CUL3: variants seen among roughly 807,000 people sequenced by gnomAD.
CUL3 encodes cullin-3.
CUL3 carries 19 observed loss-of-function variants against 89.1 expected under a neutral mutation model. The observed-to-expected ratio is 0.21, with a 90% CI of 0.15 to 0.31. CUL3 has a LOEUF of 0.31. Among genes scored for constraint, CUL3 ranks in the 10% least tolerant of loss-of-function variants. The pLI, the probability that CUL3 is intolerant of heterozygous loss-of-function variation, is 1.00. For synonymous variants in CUL3, 351 were observed against 308.4 expected (o/e 1.14, Z -1.45); for missense variants, 469 against 942.3 (o/e 0.50, Z 6.58).
At chr2:224,548,054 G>C (rs1694369847) in intron 2 of CUL3, among the ~76,000 whole-genome samples, 1 of 152,128 alleles carries the variant, frequency 6.6e-6, no homozygotes, top group Non-Finnish European at 1.5e-5. Context: ...TAAATGGTGA[G>C]GAATTATTTG....
chr2:224,485,773 GCCT>G lies in CUL3; in HGVS notation c.1843-3698_1843-3696del, dbSNP rs1429649095. On this transcript the variant is annotated intron_variant, in intron 13 of 15. Coordinates refer to ENST00000264414, the MANE Select transcript of CUL3 (RefSeq NM_003590.5). The surrounding 1 kb of genome is among the most constrained non-coding windows in gnomAD (Gnocchi z 4.1). ...CTCCAGCTCTGCGAAGGGACAGACT[GCCT>G]CCTCAAGTGGGTCCGTGTCCCCCAT... Among the ~76,000 whole-genome samples, 2 of 152,222 alleles carry G rather than the reference GCCT, an allele frequency of 1.3e-5. No homozygotes were observed. The highest frequency in any genetic ancestry group is 1.9e-4 in the East Asian group (1 of 5,190).
At chr2:224,559,473 AT>A (rs1240663581) in intron 1 of CUL3, among the ~76,000 whole-genome samples, 152 of 151,444 alleles carry the variant, frequency 1.0e-3, no homozygotes, top group African/African-American at 1.5e-3. Flanking sequence ...AAAAAAAAAA[AT>A]GTCAGTTTCC....
At chr2:224,490,388 C>T (rs549856936) in intron 13 of CUL3, among the ~76,000 whole-genome samples, 7 of 152,252 alleles carry the variant, frequency 4.6e-5, no homozygotes, top group African/African-American at 1.7e-4. Context: ...AGGTGACTCA[C>T]GTGACCTTAT....
chr2:224,551,207 T>C (rs1210283088), intron 2 of CUL3, among the ~76,000 whole-genome samples: 1 of 143,394 alleles, frequency 7.0e-6, no homozygotes, highest in East Asian at 2.0e-4. Flanking sequence ...GCCCGGCAAT[T>C]TTTTTTTTTT....
intron 9 of CUL3, 49 bp from the exon 10 acceptor site, chr2:224,503,121 A>G (rs1692453821): frequency 9.1e-7 from 1 of 1,102,594 alleles, no homozygotes; most frequent in Non-Finnish European, 1.4e-6. Flanking sequence ...AGATGTTTCT[A>G]TGAGAAAGTA....
intron 1 of CUL3, among the ~76,000 whole-genome samples, chr2:224,573,845 G>T (rs965473945): frequency 6.6e-5 from 10 of 152,068 alleles, no homozygotes; most frequent in Admixed American, 5.9e-4. Flanking sequence ...ACTTAAAATT[G>T]TTTTCAGGAT....
chr2:224,484,234 AC>A lies in CUL3; in HGVS notation c.1843-2157del, dbSNP rs1249338535. ...TGCTTTCAAGTTGCTTAACAATTTA[AC>A]CCCCCACAAAAATAGTATATGAATA... On this transcript the variant is annotated intron_variant, in intron 13 of 15. Coordinates refer to ENST00000264414, the MANE Select transcript of CUL3 (RefSeq NM_003590.5). Among the ~76,000 whole-genome samples the A allele has an allele frequency of 2.0e-5, 3 of 151,806 alleles. No individual in the cohort carries two copies. The East Asian group carries it at 5.8e-4, about 29-fold the overall frequency.
chr2:224,555,344 TCATC>T (rs1174143707), intron 2 of CUL3, among the ~76,000 whole-genome samples: 2 of 152,196 alleles, frequency 1.3e-5, no homozygotes, highest in Non-Finnish European at 1.5e-5. Flanking sequence ...ATTTCTGACA[TCATC>T]CATTCATTTC....
intron 2 of CUL3, among the ~76,000 whole-genome samples, chr2:224,549,446 C>T (rs1410265432): frequency 6.6e-6 from 1 of 152,060 alleles, no homozygotes; most frequent in Non-Finnish European, 1.5e-5. Flanking sequence ...GACACATAAT[C>T]ATAATTTTTA....
rs781629181 is a variant in CUL3, at chr2:224,497,800, T to C, written c.1660A>G (p.Met554Val). 6.2e-7 allele frequency: 1 copy of C among 1,613,996 alleles called. No homozygotes were observed. Among genetic ancestry groups the C allele is most frequent in the South Asian group, 1.1e-5 (1 of 91,082 alleles). Reference sequence around the variant, plus strand: ...GTGGCATTGAGATCTGCAGAACCCATATGATGCTGGAGTGTGAGCTGTCGA... The same window carrying C: ...GTGGCATTGAGATCTGCAGAACCCACATGATGCTGGAGTGTGAGCTGTCGA... ...SGRQLTLQHH[M>V]GSADLNATFY... The change falls in exon 12 of 16, where the codon ATG becomes GTG. Residue 554 changes from methionine (M) to valine (V), a missense_variant. Met to Val is a conservative substitution (Grantham distance 21). This residue lies in a region of CUL3 where 370 missense variants were observed against 733.2 expected (regional missense o/e 0.50). Transcript: ENST00000264414.
At chr2:224,545,657 A>T (rs1267436766) in intron 2 of CUL3, among the ~76,000 whole-genome samples, 2 of 152,234 alleles carry the variant, frequency 1.3e-5, no homozygotes, top group African/African-American at 4.8e-5. Context: ...CAGGCAAAAC[A>T]GGGTGCTTGG....
intron 7 of CUL3, among the ~76,000 whole-genome samples, chr2:224,506,388 C>CAT (rs1692602838): frequency 6.6e-6 from 1 of 152,104 alleles, no homozygotes; most frequent in Non-Finnish European, 1.5e-5. Context: ...GTTTCTCATT[C>CAT]TCCTGTCTTG....
chr2:224,562,046 G>A (rs1163436445), intron 1 of CUL3, among the ~76,000 whole-genome samples: 2 of 152,130 alleles, frequency 1.3e-5, no homozygotes, highest in Non-Finnish European at 2.9e-5. Context: ...TCCTCTGAAA[G>A]CCAGAAAAAG....
At chr2:224,529,618 A>G (rs894882004) in intron 3 of CUL3, among the ~76,000 whole-genome samples, 2 of 149,540 alleles carry the variant, frequency 1.3e-5, no homozygotes, top group East Asian at 3.9e-4. Flanking sequence ...TCTCAAAAAG[A>G]AAAAAAAAAG....
At chr2:224,541,396 C>A (rs1467046698) in intron 2 of CUL3, among the ~76,000 whole-genome samples, 1 of 152,200 alleles carries the variant, frequency 6.6e-6, no homozygotes, top group Admixed American at 6.5e-5. Flanking sequence ...GAAACCCCTA[C>A]ACACCCATCA....
intron 1 of CUL3, 47 bp from the exon 2 acceptor site, chr2:224,557,903 A>AAAAAAAAAAAAAAAAAAAG: frequency 9.2e-7 from 1 of 1,089,388 alleles, no homozygotes; most frequent in Non-Finnish European, 1.3e-6. Flanking sequence ...AAAAAAAAAA[A>AAAAAAAAAAAAAAAAAAAG]AACCAATGGT....
intron 1 of CUL3, among the ~76,000 whole-genome samples, chr2:224,569,351 A>C (rs1054505501): frequency 5.3e-5 from 8 of 152,330 alleles, no homozygotes; most frequent in African/African-American, 1.4e-4. Flanking sequence ...TTACAAAATG[A>C]TCAGCAAGCA....
At position 224,486,767 on chromosome 2, in the gene CUL3, A is replaced by C. The variant is rs532764766; in HGVS notation, c.1843-4689T>G. Among the ~76,000 whole-genome samples the C allele has an allele frequency of 8.5e-5, 13 of 152,262 alleles. No individual in the cohort carries two copies. In the East Asian group the frequency reaches 2.5e-3, roughly 29 times the overall value. On this transcript the variant is annotated intron_variant, in intron 13 of 15. Coordinates refer to ENST00000264414, the MANE Select transcript of CUL3 (RefSeq NM_003590.5). ...CATTCAAATTCAGGAAATACAGAGA[A>C]CACCACAAAGATATTCCTCCAGAAG... is the stretch of plus-strand genomic sequence containing the variant.
At chr2:224,490,794 GCTGT>G (rs555982979) in intron 13 of CUL3, among the ~76,000 whole-genome samples, 74 of 151,422 alleles carry the variant, frequency 4.9e-4, no homozygotes, top group African/African-American at 7.8e-4. Context: ...GTTCAAATGA[GCTGT>G]CTGTCTATGC....
Sources: allele counts gnomAD v4.1 joint callset (sites outside exome capture counted in the v4.1 genomes callset), GRCh38; gene constraint gnomAD v4.1.1; regional missense constraint gnomAD v4.1.1; non-coding constraint Gnocchi (gnomAD v3.1); transcripts MANE v1.5; gene names NCBI Gene and HGNC (gene_info 2026-07-23, HGNC 2026-07-21).